Variants in ZNF423 observed in about 807,000 individuals in gnomAD.
ZNF423 encodes zinc finger protein 423.
A neutral mutation model predicts 95.8 loss-of-function variants in ZNF423; 12 were observed. That is an observed-to-expected ratio of 0.13 (90% confidence interval 0.08 to 0.20). The LOEUF (loss-of-function observed/expected upper bound fraction) is 0.20. ZNF423 is among the 10% of genes least tolerant of loss of function. ZNF423 has a pLI of 1.00. For missense variants in ZNF423, 1,316 were observed against 1,737.1 expected, an observed-to-expected ratio of 0.76 and a Z score of 4.31; for synonymous variants, 749 against 711.9, an observed-to-expected ratio of 1.05 and a Z score of -0.83.
At chr16:49,523,487 T>C (rs1441197773) in intron 7 of ZNF423, 137 bp downstream of exon 7, 5 of 694,156 alleles carry the variant, frequency 7.2e-6, no homozygotes, top group African/African-American at 1.8e-5. Context: ...CCATGCCTGC[T>C]AGCCAGGAGG....
intron 5 of ZNF423, among the ~76,000 whole-genome samples, chr16:49,610,684 A>G (rs1971694970): frequency 6.6e-6 from 1 of 152,082 alleles, no homozygotes; most frequent in South Asian, 2.1e-4. Flanking sequence ...TAACAACATT[A>G]AATATAAATA....
At chr16:49,687,262 T>TA (rs1365749888) in intron 3 of ZNF423, among the ~76,000 whole-genome samples, 2 of 151,368 alleles carry the variant, frequency 1.3e-5, no homozygotes, top group African/African-American at 4.9e-5. Context: ...TTTTTCACCA[T>TA]AAGGGAACAA....
At chr16:49,615,919 A>G (rs1971859339) in intron 5 of ZNF423, among the ~76,000 whole-genome samples, 1 of 152,178 alleles carries the variant, frequency 6.6e-6, no homozygotes, top group Non-Finnish European at 1.5e-5. Context: ...ATCAGCCTGC[A>G]AGTCAGTTCC....
chr16:49,848,042 T>C (rs1261558646), intron 1 of ZNF423, among the ~76,000 whole-genome samples: 4 of 152,012 alleles, frequency 2.6e-5, no homozygotes, highest in Non-Finnish European at 4.4e-5. Context: ...AGTTCAAGGC[T>C]GCAGTGAACT....
chr16:49,713,002 T>A (rs1301403850), intron 3 of ZNF423, among the ~76,000 whole-genome samples: 1 of 152,220 alleles, frequency 6.6e-6, no homozygotes, highest in Non-Finnish European at 1.5e-5. Flanking sequence ...TGTCGCCATT[T>A]ATGCAAATAA....
intron 3 of ZNF423, among the ~76,000 whole-genome samples, chr16:49,725,137 C>A (rs1364286088): frequency 6.6e-6 from 1 of 152,146 alleles, no homozygotes; most frequent in Non-Finnish European, 1.5e-5. Flanking sequence ...TAGTGCCTAG[C>A]TTTGGGAGGC....
chr16:49,644,688 A>G (rs1018223311), intron 3 of ZNF423, among the ~76,000 whole-genome samples: 2 of 130,734 alleles, frequency 1.5e-5, no homozygotes, highest in Admixed American at 1.6e-4. Flanking sequence ...AAAAAAAAAA[A>G]AAAAAAAAAC....
At chr16:49,835,038 C>G (rs2035102808) in intron 1 of ZNF423, among the ~76,000 whole-genome samples, 1 of 152,074 alleles carries the variant, frequency 6.6e-6, no homozygotes, top group Admixed American at 6.5e-5. Context: ...TGGGGGGAGT[C>G]TCAGAATCAC....
At chr16:49,741,350 A>T (rs1202281592) in intron 2 of ZNF423, among the ~76,000 whole-genome samples, 1 of 152,134 alleles carries the variant, frequency 6.6e-6, no homozygotes, top group African/African-American at 2.4e-5. Context: ...CCCCAAAAAA[A>T]TAAAAAATTA....
intron 3 of ZNF423, 26 bp downstream of exon 3, chr16:49,730,745 A>G (rs376988247): frequency 1.2e-6 from 2 of 1,613,856 alleles, no homozygotes; most frequent in African/African-American, 2.7e-5. Flanking sequence ...ACCACCTGTC[A>G]GAGTCCTGGG....
At chr16:49,585,540 T>C (rs1309874636) in intron 5 of ZNF423, among the ~76,000 whole-genome samples, 1 of 152,244 alleles carries the variant, frequency 6.6e-6, no homozygotes, top group Non-Finnish European at 1.5e-5. Flanking sequence ...ATACTGCCTG[T>C]GCTACAGAGA....
intron 1 of ZNF423, among the ~76,000 whole-genome samples, chr16:49,790,200 G>A (rs947774835): frequency 1.3e-5 from 2 of 152,206 alleles, no homozygotes; most frequent in Non-Finnish European, 2.9e-5. Context: ...ATTAAAGCTG[G>A]GTTATGGACT....
intron 7 of ZNF423, among the ~76,000 whole-genome samples, chr16:49,517,605 T>C (rs1183779607): frequency 6.6e-6 from 1 of 152,178 alleles, no homozygotes; most frequent in African/African-American, 2.4e-5. Context: ...CTTTTTCTCT[T>C]GCTTTCAAGT....
chr16:49,713,662 G>C (rs2032614208), intron 3 of ZNF423, among the ~76,000 whole-genome samples: 1 of 152,188 alleles, frequency 6.6e-6, no homozygotes. Context: ...CTCCCGGTTT[G>C]AGTGCGCCAT....
At chr16:49,670,840 C>T (rs1045946844) in intron 3 of ZNF423, among the ~76,000 whole-genome samples, 26 of 152,156 alleles carry the variant, frequency 1.7e-4, no homozygotes, top group African/African-American at 6.0e-4. Context: ...CGGCTTGAGG[C>T]GAGACGTTTA....
At chr16:49,503,354 G>A (rs538636056) in intron 7 of ZNF423, among the ~76,000 whole-genome samples, 1 of 152,210 alleles carries the variant, frequency 6.6e-6, no homozygotes, top group East Asian at 1.9e-4. Flanking sequence ...TAAACTCCCT[G>A]GCGGGTCCCA....
intron 2 of ZNF423, among the ~76,000 whole-genome samples, chr16:49,757,217 T>G (rs35188863): frequency 0.16 from 24,437 of 152,234 alleles, 2,047 homozygotes; most frequent in South Asian, 0.26. Flanking sequence ...GGCCAAGAAT[T>G]TCCATTCTCA....
At chr16:49,659,387 C>T (rs1426207580) in intron 3 of ZNF423, among the ~76,000 whole-genome samples, 1 of 152,214 alleles carries the variant, frequency 6.6e-6, no homozygotes, top group Non-Finnish European at 1.5e-5. Flanking sequence ...CCACTGTGCT[C>T]GGCCGTTTTA....
intron 3 of ZNF423, among the ~76,000 whole-genome samples, chr16:49,690,959 G>A (rs6500241): frequency 0.3 from 46,300 of 152,104 alleles, 7,720 homozygotes; most frequent in South Asian, 0.45. Context: ...CCTGGGGAGC[G>A]TGTGGAGACA....
Sources: allele counts gnomAD v4.1 joint callset (sites outside exome capture counted in the v4.1 genomes callset), GRCh38; gene constraint gnomAD v4.1.1; transcripts MANE v1.5; gene names NCBI Gene and HGNC (gene_info 2026-07-23, HGNC 2026-07-21).